ABCA5: variants seen among roughly 807,000 people sequenced by gnomAD.
ABCA5 encodes the protein ATP binding cassette subfamily A member 5.
Under a neutral mutation model 206.0 loss-of-function variants are expected in ABCA5, and 163 were observed. The ratio of observed to expected loss-of-function variants is 0.79; its 90% CI spans 0.70 to 0.90. The LOEUF (loss-of-function observed/expected upper bound fraction) is 0.90, where lower values mean the gene tolerates loss of function less well. Ranked by LOEUF, ABCA5 falls within the 40% of genes least tolerant of loss-of-function variation. The pLI is 0.00. For synonymous variants in ABCA5, 609 were observed against 613.8 expected (o/e 0.99, Z 0.11); for missense variants, 1,859 against 1,912.9 (o/e 0.97, Z 0.53).
chr17:69,261,610 T>C (rs1327581339), intron 25 of ABCA5, 25 bp downstream of exon 25: 7 of 1,050,046 alleles, frequency 6.7e-6, no homozygotes, highest in Non-Finnish European at 9.7e-6. Context: ...TATGGAAAGT[T>C]GAAATAATGT....
At chr17:69,318,920 C>A in intron 1 of ABCA5, 1 of 655,176 alleles carries the variant, frequency 1.5e-6, no homozygotes. Context: ...GGTGGTAATG[C>A]GATGTAATGG....
intron 5 of ABCA5, 45 bp from the exon 6 acceptor site, chr17:69,306,999 T>C: frequency 7.4e-7 from 1 of 1,350,806 alleles, no homozygotes; most frequent in Non-Finnish European, 9.9e-7. Context: ...TTAGTTATGA[T>C]AGCAGCCCCT....
At chr17:69,279,575 G>A (rs995478739) in intron 18 of ABCA5, among the ~76,000 whole-genome samples, 11 of 151,796 alleles carry the variant, frequency 7.2e-5, no homozygotes, top group Non-Finnish European at 1.3e-4. Context: ...GCATCGCCAA[G>A]TCAATCCTAA....
intron 9 of ABCA5, among the ~76,000 whole-genome samples, chr17:69,300,427 T>C (rs1039316202): frequency 6.6e-6 from 1 of 152,176 alleles, no homozygotes. Flanking sequence ...ATCTGTGTCC[T>C]GGGGGTTGGG....
intron 34 of ABCA5, among the ~76,000 whole-genome samples, chr17:69,253,091 T>C (rs1309515527): frequency 6.6e-6 from 1 of 152,060 alleles, no homozygotes; most frequent in Non-Finnish European, 1.5e-5. Flanking sequence ...TACCATATAG[T>C]CTAGGTGTGT....
intron 28 of ABCA5, among the ~76,000 whole-genome samples, chr17:69,258,387 G>C (rs1220807128): frequency 6.6e-6 from 1 of 152,104 alleles, no homozygotes; most frequent in African/African-American, 2.4e-5. Flanking sequence ...GATGGAACTG[G>C]AGACCATTAT....
intron 37 of ABCA5, 104 bp from the exon 38 acceptor site, chr17:69,248,421 C>A: frequency 1.5e-6 from 1 of 650,650 alleles, no homozygotes; most frequent in Non-Finnish European, 2.6e-6. Flanking sequence ...GTAATCAACC[C>A]ACTTAAATTT....
At position 69,302,891 on chromosome 17, in the gene ABCA5, T is replaced by A; in HGVS notation, c.946A>T (p.Met316Leu). Residue 316 changes from methionine to leucine, a missense_variant, in exon 8 of 39, where the codon ATG (methionine) becomes TTG (leucine). Transcript: ENST00000392676. ...GATTTTTTAAAAAGAGGTGTCAGCA[T>A]TAAAGCAAAAAATACCTATAAAATA... Reference protein sequence around the residue: ...YGLSSVFFALMLTPLFKKSKH... With the variant: ...YGLSSVFFALLLTPLFKKSKH... 6.6e-7 allele frequency: 1 copy of A among 1,525,948 alleles called. No homozygotes were observed. The highest frequency in any genetic ancestry group is 2.2e-5 in the Admixed American group (1 of 44,840). 94.5% of individuals were successfully genotyped at this position (1,525,948 alleles called of 1,614,324 possible).
intron 15 of ABCA5, among the ~76,000 whole-genome samples, chr17:69,287,396 CAT>C (rs2075469293): frequency 1.3e-5 from 2 of 152,092 alleles, no homozygotes; most frequent in Non-Finnish European, 2.9e-5. Context: ...TGTGCTGAGT[CAT>C]ATGAGTTCTT....
At chr17:69,314,139 C>T (rs1038442177) in intron 2 of ABCA5, among the ~76,000 whole-genome samples, 175 bp downstream of exon 2, 3 of 152,056 alleles carry the variant, frequency 2.0e-5, no homozygotes, top group African/African-American at 7.2e-5. Flanking sequence ...ATTTAGAAAG[C>T]ATTAAGTAAT....
At chr17:69,311,635 A>G (rs1484004178) in intron 3 of ABCA5, among the ~76,000 whole-genome samples, 1 of 151,942 alleles carries the variant, frequency 6.6e-6, no homozygotes, top group African/African-American at 2.4e-5. Context: ...GACTACAGGC[A>G]CCCACCACCA....
intron 3 of ABCA5, among the ~76,000 whole-genome samples, chr17:69,312,802 C>T (rs1326207633): frequency 6.6e-6 from 1 of 151,584 alleles, no homozygotes; most frequent in East Asian, 1.9e-4. Flanking sequence ...ATGAAATAGC[C>T]CATCAAAGCT....
chr17:69,292,152 C>A (rs2075534628), intron 11 of ABCA5, among the ~76,000 whole-genome samples: 1 of 151,994 alleles, frequency 6.6e-6, no homozygotes, highest in Non-Finnish European at 1.5e-5. Flanking sequence ...AGAAGGCTAA[C>A]ATATAAAACA....
intron 7 of ABCA5, among the ~76,000 whole-genome samples, 157 bp from the exon 8 acceptor site, chr17:69,303,063 A>T (rs186405379): frequency 8.0e-4 from 122 of 152,308 alleles, no homozygotes; most frequent in African/African-American, 2.9e-3. Flanking sequence ...TTTATTTTCA[A>T]ACAAATAGTG....
chr17:69,298,306 A>AAGAAAG lies in ABCA5; in HGVS notation c.1268-948_1268-947insCTTTCT, dbSNP rs1450907259. Among the ~76,000 whole-genome samples the AAGAAAG allele has an allele frequency of 2.5e-3, 80 of 32,482 alleles. 8 individuals carry two copies. Among genetic ancestry groups the AAGAAAG allele is most frequent in the African/African-American group, 5.1e-3 (77 of 15,108 alleles). The allele number at this position is 32,482 out of a possible 152,430, so 21.3% of individuals were successfully genotyped here. The stretch of plus-strand genomic sequence containing the variant: ...AAGGGAGGGAGGGGAAAGAGAAAGA[A>AAGAAAG]AGAGAGAGAGAGGAAGGAAGGAAGG... On this transcript the variant is annotated intron_variant, in intron 9 of 38. Transcript: ENST00000392676.
chr17:69,305,772 G>A (rs2075710369), intron 6 of ABCA5, among the ~76,000 whole-genome samples: 2 of 152,148 alleles, frequency 1.3e-5, no homozygotes, highest in Non-Finnish European at 1.5e-5. Context: ...TTGAGAGACT[G>A]AGATGGGAGA....
At chr17:69,265,787 G>A (rs1335726516) in intron 23 of ABCA5, among the ~76,000 whole-genome samples, 1 of 152,136 alleles carries the variant, frequency 6.6e-6, no homozygotes, top group African/African-American at 2.4e-5. Flanking sequence ...TAAGGCAAAT[G>A]CAATTATTTT....
In ABCA5 at chr17:69,250,534, T is replaced by C. The variant is rs2075000109; in HGVS notation, c.4623A>G (p.Leu1541=). 2.5e-6 allele frequency: 4 copies of C among 1,605,212 alleles called. No individual in the cohort carries two copies. The South Asian group carries it at 4.5e-5, about 18-fold the overall frequency. The change falls in exon 36 of 39, where the codon CTA becomes CTG. Residue 1541 remains leucine, a synonymous_variant. Transcript: ENST00000392676. ...TTTCTCTTTGAAGGCGGTCTACTTC[T>C]AGGTTTTCTATCCAGTCCTTCAATT... is the stretch of plus-strand genomic sequence containing the variant. The part of the protein sequence containing the change: ...EIKLKDWIEN[L]EVDRLQREIQ...
intron 24 of ABCA5, 49 bp from the exon 25 acceptor site, chr17:69,261,797 CACATG>C: frequency 1.4e-6 from 1 of 728,988 alleles, no homozygotes; most frequent in East Asian, 3.2e-5. Context: ...GCTTGCAATA[CACATG>C]ACATGAAATA....
Sources: allele counts gnomAD v4.1 joint callset (sites outside exome capture counted in the v4.1 genomes callset), GRCh38; gene constraint gnomAD v4.1.1; transcripts MANE v1.5; gene names NCBI Gene and HGNC (gene_info 2026-07-23, HGNC 2026-07-21).